ADGRL3: variants seen among roughly 807,000 people sequenced by gnomAD.
ADGRL3 encodes calcium-independent alpha-latrotoxin receptor 3.
ADGRL3 carries 62 observed loss-of-function variants against 153.5 expected under a neutral mutation model. The ratio of observed to expected loss-of-function variants is 0.40; its 90% confidence interval spans 0.33 to 0.50. The LOEUF (loss-of-function observed/expected upper bound fraction) is 0.50, where lower values mean the gene tolerates loss of function less well. Among genes scored for constraint, ADGRL3 ranks in the 20% least tolerant of loss-of-function variants. The pLI, the probability that ADGRL3 is intolerant of heterozygous loss-of-function variation, is 0.47. For missense variants in ADGRL3, 1,641 were observed against 1,859.4 expected, an observed-to-expected ratio of 0.88 and a Z score of 2.16; for synonymous variants, 710 against 672.5, an observed-to-expected ratio of 1.06 and a Z score of -0.86.
chr4:61,486,322 G>A (rs1295106960), intron 2 of ADGRL3, among the ~76,000 whole-genome samples: 1 of 152,034 alleles, frequency 6.6e-6, no homozygotes, highest in Admixed American at 6.6e-5. Context: ...GGATAAGGAT[G>A]ATACTGATTT....
chr4:61,390,425 T>A (rs1261739932), intron 2 of ADGRL3, among the ~76,000 whole-genome samples: 1 of 152,168 alleles, frequency 6.6e-6, no homozygotes, highest in Non-Finnish European at 1.5e-5. Flanking sequence ...TTGAATAGAA[T>A]GAGGTCTGTT....
At chr4:61,428,561 T>G (rs2152393496) in intron 2 of ADGRL3, among the ~76,000 whole-genome samples, 1 of 152,306 alleles carries the variant, frequency 6.6e-6, no homozygotes, top group South Asian at 2.1e-4. Context: ...AGACAGTGTA[T>G]ATAACTTACT....
intron 22 of ADGRL3, among the ~76,000 whole-genome samples, chr4:62,030,664 A>C (rs908118259): frequency 1.5e-4 from 22 of 151,536 alleles, no homozygotes; most frequent in Non-Finnish European, 2.2e-4. Flanking sequence ...CCCCATCTTC[A>C]TTCTCAGCTT....
At chr4:61,680,632 G>A (rs1386331268) in intron 6 of ADGRL3, among the ~76,000 whole-genome samples, 1 of 151,910 alleles carries the variant, frequency 6.6e-6, no homozygotes. Context: ...ATTCTTGCAC[G>A]GAATTTTAGG....
chr4:61,909,597 A>C lies in ADGRL3; in HGVS notation c.1925A>C (p.Glu642Ala). The C allele has an allele frequency of 6.2e-7, 1 of 1,613,548 alleles. No homozygotes were observed. Among genetic ancestry groups the C allele is most frequent in the Non-Finnish European group, 8.5e-7 (1 of 1,179,708 alleles). Reference sequence around the variant, plus strand: ...GAAACAGCTGCCAACATTGCTAGAGAGCTGGCTGAACAGACAAGAAATCAC... The same window carrying C: ...GAAACAGCTGCCAACATTGCTAGAGCGCTGGCTGAACAGACAAGAAATCAC... ...SGETAANIAR[E>A]LAEQTRNHLN... The change falls in exon 12 of 27, where the codon GAG (glutamate) becomes GCG (alanine). Residue 642 changes from glutamate (E) to alanine (A), a missense_variant. This residue lies in a region of ADGRL3 where 734 missense variants were observed against 797.0 expected (regional missense o/e 0.92). Transcript: ENST00000683033.
At chr4:61,854,217 T>C (rs556170314) in intron 9 of ADGRL3, among the ~76,000 whole-genome samples, 1 of 152,244 alleles carries the variant, frequency 6.6e-6, no homozygotes, top group East Asian at 1.9e-4. Context: ...CCTCGCAGAA[T>C]TGAAGTAAAA....
At chr4:61,966,532 C>G (rs942061235) in intron 17 of ADGRL3, among the ~76,000 whole-genome samples, 1 of 151,854 alleles carries the variant, frequency 6.6e-6, no homozygotes, top group Non-Finnish European at 1.5e-5. Context: ...TTCTACCCTA[C>G]TCCACATCAC....
chr4:61,698,702 G>T (rs2095689950), intron 6 of ADGRL3, among the ~76,000 whole-genome samples: 1 of 152,066 alleles, frequency 6.6e-6, no homozygotes, highest in Non-Finnish European at 1.5e-5. Context: ...GTATTATAGA[G>T]AATCATTTTG....
intron 6 of ADGRL3, among the ~76,000 whole-genome samples, chr4:61,699,426 C>A (rs2095707371): frequency 6.6e-6 from 1 of 152,024 alleles, no homozygotes; most frequent in South Asian, 2.1e-4. Flanking sequence ...GTACTAGGCA[C>A]TGAGCACAGC....
In ADGRL3 at chr4:62,070,308, T is replaced by C. The variant is rs1414784931; in HGVS notation, c.4032T>C (p.Ser1344=). ...LKELTSNYIP[S]YLNNHERSSE... ...AACTCACTTCCAACTATATCCCTTC[T>C]TACCTGAACAACCATGAGCGCTCCA... Residue 1344 remains serine (S), a synonymous_variant, in exon 27 of 27, where the codon TCT becomes TCC. Coordinates refer to ENST00000683033, the MANE Select transcript of ADGRL3 (RefSeq NM_001387552.1). 6.4e-7 allele frequency: 1 copy of C among 1,560,328 alleles called. No individual in the cohort carries two copies. Among genetic ancestry groups the C allele is most frequent in the Non-Finnish European group, 8.7e-7 (1 of 1,151,194 alleles).
chr4:61,947,562 A>G (rs1200573796), intron 16 of ADGRL3, among the ~76,000 whole-genome samples: 1 of 152,192 alleles, frequency 6.6e-6, no homozygotes, highest in South Asian at 2.1e-4. Context: ...TAACCTTTCT[A>G]CTGTCTACAT....
At chr4:61,303,684 G>A (rs985884252) in intron 1 of ADGRL3, among the ~76,000 whole-genome samples, 1 of 152,020 alleles carries the variant, frequency 6.6e-6, no homozygotes, top group Non-Finnish European at 1.5e-5. Flanking sequence ...TGAAAAGTGG[G>A]ATTTTTAAAG....
intron 1 of ADGRL3, among the ~76,000 whole-genome samples, chr4:61,281,548 C>T (rs935185519): frequency 6.6e-6 from 1 of 152,058 alleles, no homozygotes; most frequent in African/African-American, 2.4e-5. Context: ...CATTAAGTTA[C>T]TAACAGGTGT....
intron 8 of ADGRL3, among the ~76,000 whole-genome samples, chr4:61,755,939 G>A (rs1208243561): frequency 6.6e-6 from 1 of 152,068 alleles, no homozygotes; most frequent in Non-Finnish European, 1.5e-5. Flanking sequence ...TAGATATGCG[G>A]CATTATATCT....
rs530637415 is a variant in ADGRL3, at chr4:61,497,749, T to C, written c.55+401T>C. Among the ~76,000 whole-genome samples, 14 of 151,492 alleles carry C rather than the reference T, an allele frequency of 9.2e-5. 1 individual carries two copies. The South Asian group carries it at 1.9e-3, about 20-fold the overall frequency. On this transcript the variant is annotated intron_variant, in intron 3 of 26. Coordinates refer to ENST00000683033, the MANE Select transcript of ADGRL3 (RefSeq NM_001387552.1). Reference sequence around the variant, plus strand: ...CAGTGTTAGCCAGGATGGTCTCGATTTCCTGACCTCGTGACCCGCCCTCCT... The same window carrying C: ...CAGTGTTAGCCAGGATGGTCTCGATCTCCTGACCTCGTGACCCGCCCTCCT...
chr4:61,317,621 A>G (rs993910363), intron 1 of ADGRL3, among the ~76,000 whole-genome samples: 1 of 152,090 alleles, frequency 6.6e-6, no homozygotes, highest in Admixed American at 6.6e-5. Context: ...ACAGAGGAGA[A>G]TGAGTTGTGA....
intron 13 of ADGRL3, among the ~76,000 whole-genome samples, chr4:61,934,493 T>C (rs2098830106): frequency 6.6e-6 from 1 of 152,186 alleles, no homozygotes; most frequent in Non-Finnish European, 1.5e-5. Flanking sequence ...GTGGTAAAAC[T>C]CTTGGTTGAA....
intron 6 of ADGRL3, among the ~76,000 whole-genome samples, chr4:61,709,168 C>CTTTCT (rs2095914108): frequency 1.3e-5 from 2 of 152,128 alleles, no homozygotes; most frequent in African/African-American, 4.8e-5. Context: ...TTATATTGAT[C>CTTTCT]TTATTATTAC....
chr4:62,053,578 A>C (rs540491708), intron 25 of ADGRL3, among the ~76,000 whole-genome samples: 1 of 151,712 alleles, frequency 6.6e-6, no homozygotes, highest in South Asian at 2.1e-4. Context: ...GGATATATAG[A>C]TAGAAGGAAG....
Sources: gnomAD v4.1 joint callset for allele counts (sites outside exome capture counted in the v4.1 genomes callset) on GRCh38, gnomAD v4.1.1 for gene constraint, gnomAD v4.1.1 regional missense constraint, MANE v1.5 for transcripts, NCBI Gene and HGNC (gene_info 2026-07-23, HGNC 2026-07-21) for gene names.